SIM1: variants seen among roughly 807,000 people sequenced by gnomAD.
The protein encoded by SIM1 is single-minded homolog 1.
Under a neutral mutation model 78.2 loss-of-function variants are expected in SIM1, and 18 were observed. That is an observed-to-expected ratio of 0.23 (90% CI 0.16 to 0.34). The LOEUF (loss-of-function observed/expected upper bound fraction) is 0.34. Among genes scored for constraint, SIM1 ranks in the 10% least tolerant of loss-of-function variants. The probability of loss-of-function intolerance (pLI) is 1.00; values close to 1 mark genes in which losing one functional copy is unlikely to be tolerated. For missense variants in SIM1, 939 were observed against 975.1 expected (o/e 0.96, Z 0.49); for synonymous variants, 417 against 385.2 (o/e 1.08, Z -0.97).
chr6:100,445,347 A>G (rs549967778), intron 9 of SIM1, among the ~76,000 whole-genome samples: 1 of 152,322 alleles, frequency 6.6e-6, no homozygotes, highest in African/African-American at 2.4e-5. Context: ...TGTGCTGTGT[A>G]TATATGCTTC....
At chr6:100,420,681 A>T in intron 10 of SIM1, 109 bp downstream of exon 10, 1 of 1,026,148 alleles carries the variant, frequency 9.7e-7, no homozygotes. Flanking sequence ...TAGAAGTTTT[A>T]GTTATTAAAA....
In SIM1 at chr6:100,388,041, G is replaced by C. The variant is rs1281629095; in HGVS notation, c.*2320C>G. 1 of 152,012 alleles carries C rather than the reference G, an allele frequency of 6.6e-6. No homozygotes were observed. Among genetic ancestry groups the C allele is most frequent in the African/African-American group, 2.4e-5 (1 of 41,390 alleles). 9.4% of individuals were successfully genotyped at this position (152,012 alleles called of 1,614,324 possible). A position where few individuals can be genotyped will look rare whatever the true frequency, so the allele number is the denominator to read the frequency against. On this transcript the variant is annotated 3_prime_UTR_variant, in exon 12 of 12. Coordinates refer to ENST00000369208, the MANE Select transcript of SIM1 (RefSeq NM_005068.3). ...TCTACAGAATTCTACAAAACCTTTA[G>C]CATTCTTAAGACATTACTTCATGTT...
chr6:100,387,839 C>T lies in SIM1; in HGVS notation c.*2522G>A, dbSNP rs1433675026. ...AATTCCACTGAAATTCCTTTAGTGACAGCCTTTTCTTTAATATCAGTTCAT... is the reference window on the plus strand; with the variant it reads ...AATTCCACTGAAATTCCTTTAGTGATAGCCTTTTCTTTAATATCAGTTCAT... On this transcript the variant is annotated 3_prime_UTR_variant, in exon 12 of 12. Coordinates refer to ENST00000369208, the MANE Select transcript of SIM1 (RefSeq NM_005068.3). 7 of 152,058 alleles carry T rather than the reference C, an allele frequency of 4.6e-5. No homozygotes were observed. Among genetic ancestry groups the T allele is most frequent in the Admixed American group, 3.9e-4 (6 of 15,258 alleles). 9.4% of individuals were successfully genotyped at this position (152,058 alleles called of 1,614,324 possible).
intron 2 of SIM1, among the ~76,000 whole-genome samples, chr6:100,458,172 C>G (rs958183849): frequency 6.6e-6 from 1 of 152,094 alleles, no homozygotes; most frequent in African/African-American, 2.4e-5. Flanking sequence ...GAAAAGACGG[C>G]AGAAACCCAA....
At chr6:100,412,699 G>GA (rs1166784869) in intron 10 of SIM1, among the ~76,000 whole-genome samples, 2 of 96,950 alleles carry the variant, frequency 2.1e-5, no homozygotes, top group African/African-American at 8.4e-5. Context: ...AAGAAAGAAA[G>GA]AAAGAAAGAA....
chr6:100,403,206 C>T (rs1770971577), intron 10 of SIM1, among the ~76,000 whole-genome samples: 1 of 152,184 alleles, frequency 6.6e-6, no homozygotes, highest in Non-Finnish European at 1.5e-5. Context: ...TGCCCTTGTT[C>T]TCATGAAACA....
At chr6:100,457,139 T>C (rs1253350644) in intron 2 of SIM1, among the ~76,000 whole-genome samples, 2 of 152,202 alleles carry the variant, frequency 1.3e-5, no homozygotes, top group Non-Finnish European at 2.9e-5. Flanking sequence ...ACAAAATATA[T>C]ATTACAGACC....
rs373468356 is a variant in SIM1 at position 100,422,730 on chromosome 6, G to T, written c.999-1772C>A. The stretch of plus-strand genomic sequence containing the variant: ...GCACACATAATGATGAATATATGAG[G>T]TAATGCACATGTTAGTTTGATTTAG... On this transcript the variant is annotated intron_variant, in intron 9 of 11. Coordinates refer to ENST00000369208, the MANE Select transcript of SIM1 (RefSeq NM_005068.3). 2.0e-5 allele frequency among the ~76,000 whole-genome samples: 3 copies of T among 152,072 alleles called. No homozygotes were observed. In the South Asian group the frequency reaches 6.2e-4, roughly 32 times the overall value.
intron 9 of SIM1, among the ~76,000 whole-genome samples, chr6:100,424,345 G>T (rs1319792783): frequency 2.0e-5 from 3 of 152,060 alleles, no homozygotes; most frequent in Non-Finnish European, 4.4e-5. Context: ...CAGGTTGATT[G>T]ATCAGTGGTT....
In SIM1 at chr6:100,389,408, T is replaced by C. The variant is rs1582597109; in HGVS notation, c.*953A>G. 2.6e-6 allele frequency: 1 copy of C among 389,468 alleles called. No individual in the cohort carries two copies. The highest frequency in any genetic ancestry group is 3.6e-5 in the East Asian group (1 of 27,576). 24.1% of individuals were successfully genotyped at this position (389,468 alleles called of 1,614,324 possible). ...TGTGGCACTTCACTGGTTTTCCTTT[T>C]ATTTTTGCACCTATTGGTCTTTTTT... is the stretch of plus-strand genomic sequence containing the variant. On this transcript the variant is annotated 3_prime_UTR_variant, in exon 12 of 12. Coordinates refer to ENST00000369208, the MANE Select transcript of SIM1 (RefSeq NM_005068.3).
chr6:100,453,835 T>C lies in SIM1; in HGVS notation c.185A>G (p.Glu62Gly), dbSNP rs201033607. The change falls in exon 3 of 12, where the codon GAG becomes GGG. Residue 62 changes from glutamate to glycine, a missense_variant. Physicochemically the swap from Glu to Gly is moderately conservative, Grantham distance 98. Around this residue, in one of 5 missense-constraint regions of SIM1, gnomAD observed 121 missense variants for 124.6 expected, o/e 0.97. Transcript: ENST00000369208. The part of the protein sequence containing the change: ...MRVVFPEGLG[E>G]AWGHSSRTSP... ...GGTCCGACTTGAGTGGCCCCACGCCTCGCCGAGCCCTGTGGAGACACAGAA... is the reference window on the plus strand; with the variant it reads ...GGTCCGACTTGAGTGGCCCCACGCCCCGCCGAGCCCTGTGGAGACACAGAA... The C allele has an allele frequency of 1.1e-5, 17 of 1,611,452 alleles. No individual in the cohort carries two copies. Among genetic ancestry groups the C allele is most frequent in the Non-Finnish European group, 1.4e-5 (17 of 1,178,890 alleles).
rs1293875067 is a variant in SIM1 at position 100,447,353 on chromosome 6, C to G, written c.913G>C (p.Val305Leu). 1 of 1,614,244 alleles carries G rather than the reference C, an allele frequency of 6.2e-7. No individual in the cohort carries two copies. Among genetic ancestry groups the G allele is most frequent in the Admixed American group, 1.7e-5 (1 of 60,028 alleles). ...ATGGTCGCGTAGCTCTGCACCCATA[C>G]CCAGCCGCCGTGTTTCGCCAGGAAC... ...YRFLAKHGGWVWVQSYATIVH... is the reference protein window; with the variant it reads ...YRFLAKHGGWLWVQSYATIVH... The change falls in exon 9 of 12, where the codon GTA becomes CTA. Residue 305 changes from valine (V) to leucine (L), a missense_variant. By Grantham distance (32) the Val-to-Leu change is conservative. This residue lies in a region of SIM1 where 66 missense variants were observed against 108.4 expected (regional missense o/e 0.61). Coordinates refer to ENST00000369208, the MANE Select transcript of SIM1 (RefSeq NM_005068.3).
intron 9 of SIM1, among the ~76,000 whole-genome samples, chr6:100,434,430 A>T (rs550326361): frequency 7.2e-5 from 11 of 152,370 alleles, no homozygotes; most frequent in African/African-American, 2.6e-4. Context: ...GCTTGATCTG[A>T]TAACAAGCAG....
intron 9 of SIM1, among the ~76,000 whole-genome samples, chr6:100,434,509 T>C (rs1399644013): frequency 6.6e-6 from 1 of 152,242 alleles, no homozygotes; most frequent in Non-Finnish European, 1.5e-5. Context: ...GTGAAGCTCC[T>C]GGTTCAGTCA....
chr6:100,436,943 G>T (rs1177863859), intron 9 of SIM1, among the ~76,000 whole-genome samples: 1 of 151,918 alleles, frequency 6.6e-6, no homozygotes, highest in East Asian at 1.9e-4. Context: ...TCACCATGTT[G>T]GCCAGGATGG....
At chr6:100,397,765 CA>C (rs983880615) in intron 10 of SIM1, among the ~76,000 whole-genome samples, 3 of 152,010 alleles carry the variant, frequency 2.0e-5, no homozygotes, top group African/African-American at 7.2e-5. Flanking sequence ...AAAGCATTTA[CA>C]AATTACATAT....
At chr6:100,451,852 C>T (rs561821700) in intron 3 of SIM1, among the ~76,000 whole-genome samples, 1 of 152,294 alleles carries the variant, frequency 6.6e-6, no homozygotes, top group East Asian at 1.9e-4. Context: ...AGATGCTAAA[C>T]TTCAAGTGTA....
intron 2 of SIM1, chr6:100,462,685 T>C (rs1772886055): frequency 6.6e-6 from 1 of 152,196 alleles, no homozygotes; most frequent in South Asian, 2.1e-4. Context: ...AAGCCCACAG[T>C]TGCAAATCAT....
chr6:100,412,747 G>GA, intron 10 of SIM1, among the ~76,000 whole-genome samples: 1 of 127,754 alleles, frequency 7.8e-6, no homozygotes, highest in Non-Finnish European at 1.7e-5. Context: ...AAGAAAGAAA[G>GA]AAAGAAAAAA....
Sources: allele counts gnomAD v4.1 joint callset (sites outside exome capture counted in the v4.1 genomes callset), GRCh38; gene constraint gnomAD v4.1.1; regional missense constraint gnomAD v4.1.1; transcripts MANE v1.5; gene names NCBI Gene and HGNC (gene_info 2026-07-23, HGNC 2026-07-21).